Variants in SLC24A2 observed in about 807,000 individuals in gnomAD.
SLC24A2 encodes sodium/potassium/calcium exchanger 2.
Under a neutral mutation model 62.0 loss-of-function variants are expected in SLC24A2, and 36 were observed. The ratio of observed to expected loss-of-function variants is 0.58; its 90% CI spans 0.44 to 0.77. SLC24A2 has a LOEUF of 0.77. Ranked by LOEUF, SLC24A2 falls within the 30% of genes least tolerant of loss-of-function variation. SLC24A2 has a pLI of 0.00. For synonymous variants in SLC24A2, 358 were observed against 294.0 expected, an observed-to-expected ratio of 1.22 and a Z score of -2.23; for missense variants, 846 against 817.9, an observed-to-expected ratio of 1.03 and a Z score of -0.42.
the SLC24A2 span, among the ~76,000 whole-genome samples, chr9:20,033,500 G>T: frequency 2.6e-5 from 4 of 152,224 alleles, no homozygotes; most frequent in Non-Finnish European, 5.9e-5. Context: ...GACAGGTGGA[G>T]GGTAGAGAGT....
At chr9:20,273,515 C>G in the SLC24A2 span, among the ~76,000 whole-genome samples, 1 of 152,128 alleles carries the variant, frequency 6.6e-6, no homozygotes, top group Non-Finnish European at 1.5e-5. Context: ...CCATGCTGTT[C>G]TCATGATAGT....
chr9:20,079,039 A>T, the SLC24A2 span, among the ~76,000 whole-genome samples: 1 of 152,182 alleles, frequency 6.6e-6, no homozygotes, highest in Non-Finnish European at 1.5e-5. Flanking sequence ...GAGTCTTTGC[A>T]GATATAATTA....
At chr9:20,167,704 A>G in the SLC24A2 span, among the ~76,000 whole-genome samples, 1 of 151,970 alleles carries the variant, frequency 6.6e-6, no homozygotes, top group Non-Finnish European at 1.5e-5. Flanking sequence ...AAATGTTTCA[A>G]TCATCAGTAA....
the SLC24A2 span, among the ~76,000 whole-genome samples, chr9:20,105,478 C>T: frequency 3.3e-5 from 5 of 151,684 alleles, no homozygotes; most frequent in African/African-American, 7.3e-5. Flanking sequence ...TGTAAAAGAA[C>T]AGAAATTATA....
the SLC24A2 span, among the ~76,000 whole-genome samples, chr9:20,250,554 C>G: frequency 6.6e-6 from 1 of 152,126 alleles, no homozygotes; most frequent in African/African-American, 2.4e-5. Flanking sequence ...ATCTTTATAG[C>G]AGGGTCCAGG....
At chr9:20,116,239 T>C in the SLC24A2 span, among the ~76,000 whole-genome samples, 2 of 152,180 alleles carry the variant, frequency 1.3e-5, no homozygotes, top group African/African-American at 4.8e-5. Context: ...CTCATAGCTC[T>C]AAATGTATCC....
intron 4 of SLC24A2, among the ~76,000 whole-genome samples, chr9:19,608,147 G>T (rs556832209): frequency 6.6e-6 from 1 of 152,238 alleles, no homozygotes; most frequent in South Asian, 2.1e-4. Context: ...TCATTTACCA[G>T]GCGGAGGCTG....
intron 2 of SLC24A2, among the ~76,000 whole-genome samples, chr9:19,774,308 A>G (rs770050696): frequency 1.3e-5 from 2 of 152,178 alleles, no homozygotes; most frequent in Non-Finnish European, 1.5e-5. Flanking sequence ...AAATTTATGG[A>G]TAAGTAAACA....
At chr9:19,650,694 T>A (rs1358616685) in intron 2 of SLC24A2, among the ~76,000 whole-genome samples, 1 of 150,228 alleles carries the variant, frequency 6.7e-6, no homozygotes, top group Non-Finnish European at 1.5e-5. Context: ...AGCCAGGCCA[T>A]CTGCAGAGAA....
chr9:19,596,920 C>T (rs1345556846), intron 5 of SLC24A2, among the ~76,000 whole-genome samples: 3 of 152,138 alleles, frequency 2.0e-5, no homozygotes, highest in Non-Finnish European at 4.4e-5. Flanking sequence ...GTTTTGTGAG[C>T]ATGTGGGGGA....
chr9:20,028,407 T>C, the SLC24A2 span, among the ~76,000 whole-genome samples: 1 of 152,208 alleles, frequency 6.6e-6, no homozygotes, highest in East Asian at 1.9e-4. Flanking sequence ...TTCCTGTGAA[T>C]AGTTTTACAT....
chr9:19,570,460 A>C (rs7036288), intron 7 of SLC24A2, among the ~76,000 whole-genome samples: 140,105 of 152,240 alleles, frequency 0.92, 64,557 homozygotes, highest in East Asian at 1. Context: ...TTTGTATAGA[A>C]CTCTAAGATC....
intron 7 of SLC24A2, among the ~76,000 whole-genome samples, chr9:19,553,652 A>AATCC (rs1407651329): frequency 3.3e-5 from 5 of 152,202 alleles, no homozygotes; most frequent in Non-Finnish European, 7.4e-5. Flanking sequence ...GAGAATCAGG[A>AATCC]ATCCTGAGTT....
At chr9:20,186,144 G>C in the SLC24A2 span, among the ~76,000 whole-genome samples, 3 of 151,860 alleles carry the variant, frequency 2.0e-5, no homozygotes, top group Non-Finnish European at 2.9e-5. Flanking sequence ...AGCACATAGC[G>C]TAATAGGGGG....
the SLC24A2 span, among the ~76,000 whole-genome samples, chr9:20,114,604 G>T: frequency 6.6e-6 from 1 of 152,126 alleles, no homozygotes. Flanking sequence ...TGGAGGAGGG[G>T]ATATTCTGGC....
intron 4 of SLC24A2, among the ~76,000 whole-genome samples, chr9:19,608,187 T>G (rs1837044688): frequency 6.6e-6 from 1 of 152,174 alleles, no homozygotes; most frequent in African/African-American, 2.4e-5. Flanking sequence ...TATAAGCTGA[T>G]CTAAAATTTA....
At chr9:19,976,784 G>A in the SLC24A2 span, among the ~76,000 whole-genome samples, 1 of 152,130 alleles carries the variant, frequency 6.6e-6, no homozygotes, top group African/African-American at 2.4e-5. Flanking sequence ...GATATCAAGG[G>A]ACAACTGTAC....
the SLC24A2 span, among the ~76,000 whole-genome samples, chr9:19,995,109 T>G: frequency 6.6e-6 from 1 of 151,944 alleles, no homozygotes; most frequent in Non-Finnish European, 1.5e-5. Flanking sequence ...GAAGGATAAT[T>G]ATTTCCCTTA....
the SLC24A2 span, among the ~76,000 whole-genome samples, chr9:20,028,114 A>G: frequency 6.6e-6 from 1 of 152,228 alleles, no homozygotes; most frequent in African/African-American, 2.4e-5. Context: ...GTAGCAAAGC[A>G]GTTGCTTAAG....
Sources: gnomAD v4.1 joint callset for allele counts (sites outside exome capture counted in the v4.1 genomes callset) on GRCh38, gnomAD v4.1.1 for gene constraint, MANE v1.5 for transcripts, NCBI Gene and HGNC (gene_info 2026-07-23, HGNC 2026-07-21) for gene names.